The following RPP30 variants were observed in gnomAD, a reference collection of about 807,000 sequenced individuals.
The protein encoded by RPP30 is ribonuclease P protein subunit p30.
RPP30 carries 36 observed loss-of-function variants against 38.6 expected under a neutral mutation model. The observed-to-expected ratio is 0.93, with a 90% confidence interval of 0.71 to 1.23. RPP30 has a LOEUF of 1.23. Ranked by LOEUF, RPP30 falls within the 50% of genes most tolerant of loss-of-function variation. The pLI, the probability that RPP30 is intolerant of heterozygous loss-of-function variation, is 0.00. For missense variants in RPP30, 321 were observed against 321.7 expected (o/e 1.00, Z 0.02); for synonymous variants, 126 against 112.7 (o/e 1.12, Z -0.75).
intron 5 of RPP30, among the ~76,000 whole-genome samples, chr10:90,883,880 CA>C (rs1846964038): frequency 2.0e-5 from 3 of 152,250 alleles, no homozygotes; most frequent in African/African-American, 7.2e-5. Flanking sequence ...TTTCCAGAAG[CA>C]ACCACTAGTA....
chr10:90,876,169 AT>A, intron 4 of RPP30, 71 bp downstream of exon 4: 2 of 995,562 alleles, frequency 2.0e-6, no homozygotes, highest in Non-Finnish European at 3.1e-6. Flanking sequence ...ACAATGTTGC[AT>A]TTTGTCTTCC....
intron 5 of RPP30, among the ~76,000 whole-genome samples, chr10:90,883,531 T>C (rs1010496217): frequency 1.3e-5 from 2 of 152,104 alleles, no homozygotes; most frequent in African/African-American, 4.8e-5. Context: ...AATAATTCAG[T>C]TTGGGGCATT....
In RPP30 at chr10:90,900,615, C is replaced by T. The variant is rs1202924095; in HGVS notation, c.743C>T (p.Pro248Leu). The stretch of plus-strand genomic sequence containing the variant: ...GGAATTATCTCTACAGTGAAGAAAC[C>T]TCGGCCATCAGAAGGAGATGAAGAT... ...AFGIISTVKK[P>L]RPSEGDEDCL... The change falls in exon 11 of 11, where the codon CCT (proline) becomes CTT (leucine). Residue 248 changes from proline (P) to leucine (L), a missense_variant. By Grantham distance (98) the Pro-to-Leu change is moderately conservative (BLOSUM62 -3). Transcript: ENST00000371703. 4.3e-6 allele frequency: 7 copies of T among 1,613,474 alleles called. No homozygotes were observed. The highest frequency in any genetic ancestry group is 5.1e-6 in the Non-Finnish European group (6 of 1,179,704).
intron 10 of RPP30, among the ~76,000 whole-genome samples, chr10:90,897,917 T>C (rs767229821): frequency 6.6e-6 from 1 of 152,234 alleles, no homozygotes; most frequent in Non-Finnish European, 1.5e-5. Flanking sequence ...CTCAAGCATA[T>C]GTCTTGTGTT....
intron 10 of RPP30, among the ~76,000 whole-genome samples, chr10:90,898,996 C>T (rs1423480462): frequency 6.6e-6 from 1 of 152,168 alleles, no homozygotes; most frequent in Non-Finnish European, 1.5e-5. Context: ...AAAGGAAATA[C>T]TATATGTGAA....
At chr10:90,888,644 A>G (rs1847033569) in intron 6 of RPP30, among the ~76,000 whole-genome samples, 1 of 152,138 alleles carries the variant, frequency 6.6e-6, no homozygotes, top group Admixed American at 6.5e-5. Context: ...ATATGCCGTG[A>G]GGGAAGTGGG....
At chr10:90,877,727 C>T (rs936164554) in intron 4 of RPP30, among the ~76,000 whole-genome samples, 3 of 152,056 alleles carry the variant, frequency 2.0e-5, no homozygotes, top group South Asian at 2.1e-4. Context: ...GCAGACTGTG[C>T]TGCTGACTTT....
intron 3 of RPP30, 150 bp downstream of exon 3, chr10:90,875,764 T>C: frequency 1.4e-6 from 1 of 702,728 alleles, no homozygotes; most frequent in Non-Finnish European, 2.5e-6. Flanking sequence ...GGAAACATTC[T>C]TTTACTATCA....
At chr10:90,894,120 G>A (rs1847112612) in intron 6 of RPP30, among the ~76,000 whole-genome samples, 1 of 152,092 alleles carries the variant, frequency 6.6e-6, no homozygotes. Flanking sequence ...GAAAAATCAG[G>A]GGCTTTATTA....
chr10:90,883,289 CAAAAAAAA>C (rs35852982), intron 5 of RPP30, among the ~76,000 whole-genome samples: 3 of 119,336 alleles, frequency 2.5e-5, no homozygotes, highest in African/African-American at 1.0e-4. Flanking sequence ...AGTCTCTGGC[CAAAAAAAA>C]AAAAAAAAAT....
At chr10:90,900,101 G>A (rs1394116183) in intron 10 of RPP30, among the ~76,000 whole-genome samples, 2 of 152,104 alleles carry the variant, frequency 1.3e-5, no homozygotes, top group Non-Finnish European at 2.9e-5. Context: ...GTTGAGTGTT[G>A]GCAATATAAT....
chr10:90,876,650 G>C (rs535887121), intron 4 of RPP30, among the ~76,000 whole-genome samples: 1 of 152,016 alleles, frequency 6.6e-6, no homozygotes, highest in Non-Finnish European at 1.5e-5. Flanking sequence ...AGGAAAACGT[G>C]GTATTTTCTG....
chr10:90,888,659 T>G (rs1357541600), intron 6 of RPP30, among the ~76,000 whole-genome samples: 1 of 152,060 alleles, frequency 6.6e-6, no homozygotes, highest in African/African-American at 2.4e-5. Flanking sequence ...AGTGGGGCAG[T>G]GGGGCAACAT....
Position 90,900,706 on chromosome 10 carries a change from C to T in RPP30, c.*27C>T. ...AAGAATGCCCCAGTCTCTGTCAGCA[C>T]TCCCTTCTTCCCTTTTATAGTTCAT... On this transcript the variant is annotated 3_prime_UTR_variant, in exon 11 of 11. Transcript: ENST00000371703. The T allele has an allele frequency of 1.2e-6, 2 of 1,602,888 alleles. No homozygotes were observed. The highest frequency in any genetic ancestry group is 1.7e-6 in the Non-Finnish European group (2 of 1,176,074).
downstream of RPP30, among the ~76,000 whole-genome samples, chr10:90,906,491 A>G (rs534896952): frequency 4.6e-5 from 7 of 152,366 alleles, no homozygotes; most frequent in South Asian, 1.4e-3. Flanking sequence ...AGACATTTTT[A>G]GGAGTTTTTA....
intron 10 of RPP30, 22 bp from the exon 11 acceptor site, chr10:90,900,548 G>A: frequency 6.2e-7 from 1 of 1,603,080 alleles, no homozygotes; most frequent in Admixed American, 1.7e-5. Flanking sequence ...CAAGCACAGT[G>A]GTTTCCCTGT....
At chr10:90,882,585 C>T (rs1343539332) in intron 5 of RPP30, among the ~76,000 whole-genome samples, 1 of 152,192 alleles carries the variant, frequency 6.6e-6, no homozygotes, top group East Asian at 1.9e-4. Flanking sequence ...ATGGTGTGAA[C>T]CCGGGAGACG....
At chr10:90,879,170 T>C in intron 5 of RPP30, 36 bp downstream of exon 5, 1 of 1,503,426 alleles carries the variant, frequency 6.7e-7, no homozygotes, top group Non-Finnish European at 9.2e-7. Flanking sequence ...GTAGTGTATA[T>C]ATGTTATATA....
chr10:90,875,483 A>G (rs2120181816), intron 2 of RPP30, 75 bp from the exon 3 acceptor site: 1 of 1,149,048 alleles, frequency 8.7e-7, no homozygotes, highest in African/African-American at 1.5e-5. Flanking sequence ...TTCTGAGAAC[A>G]CCTCGTAATT....
Sources: gnomAD v4.1 joint callset for allele counts (sites outside exome capture counted in the v4.1 genomes callset) on GRCh38, gnomAD v4.1.1 for gene constraint, MANE v1.5 for transcripts, NCBI Gene and HGNC (gene_info 2026-07-23, HGNC 2026-07-21) for gene names.